RPP25: variants seen among roughly 807,000 people sequenced by gnomAD.
The protein encoded by RPP25 is ribonuclease P protein subunit p25.
Under a neutral mutation model 4.4 loss-of-function variants are expected in RPP25, and 2 were observed. The observed-to-expected ratio is 0.45, with a 90% confidence interval of 0.19 to 1.43. RPP25 has a LOEUF of 1.43. Ranked by LOEUF, RPP25 falls within the 40% of genes most tolerant of loss-of-function variation. RPP25 has a pLI of 0.26. For missense variants in RPP25, 319 were observed against 293.8 expected, an observed-to-expected ratio of 1.09 and a Z score of -0.63; for synonymous variants, 144 against 136.2, an observed-to-expected ratio of 1.06 and a Z score of -0.40.
In RPP25 at chr15:74,955,607, A is replaced by C; in HGVS notation, c.*377T>G. Reference sequence around the variant, plus strand: ...GGGGGTGATTCCAATAACTCTTCTCAGCTTCCATACTTCAGGTGCTCTTCG... The same window carrying C: ...GGGGGTGATTCCAATAACTCTTCTCCGCTTCCATACTTCAGGTGCTCTTCG... On this transcript the variant is annotated 3_prime_UTR_variant, in exon 1 of 1. Transcript: ENST00000322177. 4.1e-6 allele frequency: 1 copy of C among 241,050 alleles called. No individual in the cohort carries two copies. Among genetic ancestry groups the C allele is most frequent in the Non-Finnish European group, 8.2e-6 (1 of 122,548 alleles). The allele number at this position is 241,050 out of a possible 1,614,324, so 14.9% of individuals were successfully genotyped here.
rs2065465998 is a variant in RPP25 at position 74,955,829 on chromosome 15, CT to C, written c.*154del. On this transcript the variant is annotated 3_prime_UTR_variant, in exon 1 of 1. Transcript: ENST00000322177. ...CTCTCCTGCCACTCCTGGGGCCCCTCTCTTGTCGCCTTAAGGTCCATGCTAC... is the reference window on the plus strand; with the variant it reads ...CTCTCCTGCCACTCCTGGGGCCCCTCCTTGTCGCCTTAAGGTCCATGCTAC... The C allele has an allele frequency of 1.8e-6, 2 of 1,105,600 alleles. No homozygotes were observed. The highest frequency in any genetic ancestry group is 3.2e-5 in the African/African-American group (2 of 63,278). The allele number at this position is 1,105,600 out of a possible 1,614,324, so 68.5% of individuals were successfully genotyped here.
chr15:74,955,965 T>A lies in RPP25; in HGVS notation c.*19A>T. The A allele has an allele frequency of 6.2e-7, 1 of 1,612,204 alleles. No homozygotes were observed. The highest frequency in any genetic ancestry group is 8.5e-7 in the Non-Finnish European group (1 of 1,179,756). ...TGGCGGAAGATCCTGCCGGACTAGG[T>A]GGCCCACAGTCCGGAGTTTCAGGCC... On this transcript the variant is annotated 3_prime_UTR_variant, in exon 1 of 1. Coordinates refer to ENST00000322177, the MANE Select transcript of RPP25 (RefSeq NM_017793.3).
Position 74,955,516 on chromosome 15 carries a change from C to G in RPP25, c.*468G>C, listed in dbSNP as rs140128898. ...CAGGGCGGGGAGCGGAATAGGGCCC[C>G]CACATCTCAGACTCTCCTACCCTCA... On this transcript the variant is annotated 3_prime_UTR_variant, in exon 1 of 1. Coordinates refer to ENST00000322177, the MANE Select transcript of RPP25 (RefSeq NM_017793.3). 5.5e-4 allele frequency: 91 copies of G among 164,782 alleles called. No individual in the cohort carries two copies. Among genetic ancestry groups the G allele is most frequent in the Non-Finnish European group, 7.1e-4 (53 of 75,124 alleles). 10.2% of individuals were successfully genotyped at this position (164,782 alleles called of 1,614,324 possible). A position where few individuals can be genotyped will look rare whatever the true frequency, so the allele number is the denominator to read the frequency against.
At position 74,955,849 on chromosome 15, in the gene RPP25, A is replaced by C. The variant is rs536580332; in HGVS notation, c.*135T>G. 7.8e-4 allele frequency: 998 copies of C among 1,279,374 alleles called. 6 individuals are homozygous for C. The highest frequency in any genetic ancestry group is 3.3e-4 in the Non-Finnish European group (310 of 943,512). 79.3% of individuals were successfully genotyped at this position (1,279,374 alleles called of 1,614,324 possible). ...CCCCTCTCTTGTCGCCTTAAGGTCC[A>C]TGCTACCTGTCTTGAGGAGCTGTGT... On this transcript the variant is annotated 3_prime_UTR_variant, in exon 1 of 1. Transcript: ENST00000322177.
Position 74,954,501 on chromosome 15 carries a change from G to C in RPP25, c.*1483C>G, listed in dbSNP as rs979519840. 1 of 152,002 alleles carries C rather than the reference G, an allele frequency of 6.6e-6. No homozygotes were observed. The highest frequency in any genetic ancestry group is 2.4e-5 in the African/African-American group (1 of 41,352). The allele number at this position is 152,002 out of a possible 1,614,324, so 9.4% of individuals were successfully genotyped here. A position where few individuals can be genotyped will look rare whatever the true frequency, so the allele number is the denominator to read the frequency against. On this transcript the variant is annotated 3_prime_UTR_variant, in exon 1 of 1. Coordinates refer to ENST00000322177, the MANE Select transcript of RPP25 (RefSeq NM_017793.3). Reference sequence around the variant, plus strand: ...TTCTTCCGCATCTCCCCCTTTCCAGGGGTGCTGCTGAGTTGCATGGGATGA... The same window carrying C: ...TTCTTCCGCATCTCCCCCTTTCCAGCGGTGCTGCTGAGTTGCATGGGATGA...
Position 74,955,756 on chromosome 15 carries a change from C to G in RPP25, c.*228G>C. The G allele has an allele frequency of 5.1e-6, 3 of 587,166 alleles. No individual in the cohort carries two copies. Among genetic ancestry groups the G allele is most frequent in the Non-Finnish European group, 9.0e-6 (3 of 334,254 alleles). The allele number at this position is 587,166 out of a possible 1,614,324, so 36.4% of individuals were successfully genotyped here. On this transcript the variant is annotated 3_prime_UTR_variant, in exon 1 of 1. Transcript: ENST00000322177. The stretch of plus-strand genomic sequence containing the variant: ...GTTCCGTGTCTTCACGCAACACGGG[C>G]ATAAGCAGCAATTATCGCACGAAGT...
rs748888760 is a variant in RPP25 at position 74,955,967 on chromosome 15, G to T, written c.*17C>A. The T allele has an allele frequency of 1.2e-5, 19 of 1,612,188 alleles. No homozygotes were observed. The South Asian group carries it at 1.4e-4, about 12-fold the overall frequency. Reference sequence around the variant, plus strand: ...GCGGAAGATCCTGCCGGACTAGGTGGCCCACAGTCCGGAGTTTCAGGCCGT... The same window carrying T: ...GCGGAAGATCCTGCCGGACTAGGTGTCCCACAGTCCGGAGTTTCAGGCCGT... On this transcript the variant is annotated 3_prime_UTR_variant, in exon 1 of 1. Transcript: ENST00000322177.
chr15:74,954,419 C>CT lies in RPP25; in HGVS notation c.*1564dup, dbSNP rs2065458605. ...CTCCAGTCAGCCACAGAACGTATCT[C>CT]TTGTCACCAGCAGGATTTATTTCAG... On this transcript the variant is annotated 3_prime_UTR_variant, in exon 1 of 1. Transcript: ENST00000322177. The CT allele has an allele frequency of 1.3e-5, 2 of 152,256 alleles. No individual in the cohort carries two copies. The highest frequency in any genetic ancestry group is 1.3e-4 in the Admixed American group (2 of 15,288). The allele number at this position is 152,256 out of a possible 1,614,324, so 9.4% of individuals were successfully genotyped here. A position where few individuals can be genotyped will look rare whatever the true frequency, so the allele number is the denominator to read the frequency against.
chr15:74,956,203 G>A lies in RPP25; in HGVS notation c.381C>T (p.Ser127=), dbSNP rs757250943. The A allele has an allele frequency of 1.4e-5, 22 of 1,568,164 alleles. No homozygotes were observed. In the South Asian group the frequency reaches 2.4e-4, roughly 17 times the overall value. Residue 127 remains serine (S), a synonymous_variant, in exon 1 of 1, where the codon AGC becomes AGT. Transcript: ENST00000322177. ...QTPGEPAASL[S]VLKNVPGLAI... is the part of the protein sequence containing the mutation. ...CGAGGCCGGGCACGTTCTTAAGTAC[G>A]CTGAGACTAGCGGCCGGCTCGCCAG...
Position 74,956,539 on chromosome 15 carries a change from C to G in RPP25, c.45G>C (p.Gly15=), listed in dbSNP as rs1301582834. ...RKVRSEEAPA[G]CGAEGGGPGS... is the part of the protein sequence containing the mutation. ...CCGGGCCGCCTCCCTCGGCCCCGCACCCCGCTGGCGCCTCTTCGGAGCGCA... is the reference window on the plus strand; with the variant it reads ...CCGGGCCGCCTCCCTCGGCCCCGCAGCCCGCTGGCGCCTCTTCGGAGCGCA... The change falls in exon 1 of 1, where the codon GGG becomes GGC. Residue 15 remains glycine, a synonymous_variant. Transcript: ENST00000322177. 6.6e-6 allele frequency: 10 copies of G among 1,519,072 alleles called. No individual in the cohort carries two copies. The highest frequency in any genetic ancestry group is 1.4e-5 in the African/African-American group (1 of 70,056). 94.1% of individuals were successfully genotyped at this position (1,519,072 alleles called of 1,614,324 possible). A position where few individuals can be genotyped will look rare whatever the true frequency, so the allele number is the denominator to read the frequency against.
In RPP25 at chr15:74,956,539, C is replaced by T; in HGVS notation, c.45G>A (p.Gly15=). 1.3e-6 allele frequency: 2 copies of T among 1,519,180 alleles called. No homozygotes were observed. The highest frequency in any genetic ancestry group is 1.8e-6 in the Non-Finnish European group (2 of 1,140,012). The allele number at this position is 1,519,180 out of a possible 1,614,324, so 94.1% of individuals were successfully genotyped here. A position where few individuals can be genotyped will look rare whatever the true frequency, so the allele number is the denominator to read the frequency against. Residue 15 remains glycine (G), a synonymous_variant, in exon 1 of 1, where the codon GGG becomes GGA. Coordinates refer to ENST00000322177, the MANE Select transcript of RPP25 (RefSeq NM_017793.3). ...CCGGGCCGCCTCCCTCGGCCCCGCACCCCGCTGGCGCCTCTTCGGAGCGCA... is the reference window on the plus strand; with the variant it reads ...CCGGGCCGCCTCCCTCGGCCCCGCATCCCGCTGGCGCCTCTTCGGAGCGCA... ...RKVRSEEAPA[G]CGAEGGGPGS...
chr15:74,956,748 T>G lies in RPP25; in HGVS notation c.-165A>C. The G allele has an allele frequency of 1.3e-6, 1 of 780,038 alleles. No homozygotes were observed. The highest frequency in any genetic ancestry group is 1.8e-6 in the Non-Finnish European group (1 of 563,012). 48.3% of individuals were successfully genotyped at this position (780,038 alleles called of 1,614,324 possible). ...CGGCGCGATCTCGGCCCCACTTCTC[T>G]CGAGCGGGCGCCGCTCTACTCAGCG... On this transcript the variant is annotated 5_prime_UTR_variant, in exon 1 of 1. Coordinates refer to ENST00000322177, the MANE Select transcript of RPP25 (RefSeq NM_017793.3).
rs2065462751 is a variant in RPP25 at position 74,955,259 on chromosome 15, T to C, written c.*725A>G. On this transcript the variant is annotated 3_prime_UTR_variant, in exon 1 of 1. Coordinates refer to ENST00000322177, the MANE Select transcript of RPP25 (RefSeq NM_017793.3). ...GACACAAGGGGCCAGGCGAGAGCTG[T>C]CTCTGCACAGGCGGGTGGTTAGAAA... 1 of 152,308 alleles carries C rather than the reference T, an allele frequency of 6.6e-6. No homozygotes were observed. The highest frequency in any genetic ancestry group is 1.5e-5 in the Non-Finnish European group (1 of 68,204). 9.4% of individuals were successfully genotyped at this position (152,308 alleles called of 1,614,324 possible).
chr15:74,955,896 AC>A lies in RPP25; in HGVS notation c.*87del. On this transcript the variant is annotated 3_prime_UTR_variant, in exon 1 of 1. Coordinates refer to ENST00000322177, the MANE Select transcript of RPP25 (RefSeq NM_017793.3). ...GTGTCCAGGTTGTGGGCTCCGGAGG[AC>A]CGAGGAGTGAAAGGCTGGAGGTACA... The A allele has an allele frequency of 6.5e-7, 1 of 1,541,934 alleles. No individual in the cohort carries two copies. The highest frequency in any genetic ancestry group is 2.3e-5 in the East Asian group (1 of 42,920).
In RPP25 at chr15:74,955,904, G is replaced by T; in HGVS notation, c.*80C>A. On this transcript the variant is annotated 3_prime_UTR_variant, in exon 1 of 1. Coordinates refer to ENST00000322177, the MANE Select transcript of RPP25 (RefSeq NM_017793.3). ...GTTGTGGGCTCCGGAGGACCGAGGA[G>T]TGAAAGGCTGGAGGTACATCTGAAG... 1 of 1,571,804 alleles carries T rather than the reference G, an allele frequency of 6.4e-7. No homozygotes were observed. The highest frequency in any genetic ancestry group is 8.6e-7 in the Non-Finnish European group (1 of 1,158,812).
chr15:74,955,891 G>A lies in RPP25; in HGVS notation c.*93C>T, dbSNP rs1437522717. On this transcript the variant is annotated 3_prime_UTR_variant, in exon 1 of 1. Transcript: ENST00000322177. ...GAGCTGTGTCCAGGTTGTGGGCTCC[G>A]GAGGACCGAGGAGTGAAAGGCTGGA... The A allele has an allele frequency of 5.9e-6, 9 of 1,521,292 alleles. No individual in the cohort carries two copies. The highest frequency in any genetic ancestry group is 3.9e-5 in the Admixed American group (2 of 51,410). The allele number at this position is 1,521,292 out of a possible 1,614,324, so 94.2% of individuals were successfully genotyped here.
chr15:74,956,005 C>A lies in RPP25; in HGVS notation c.579G>T (p.Ala193=), dbSNP rs749957684. The A allele has an allele frequency of 6.2e-6, 10 of 1,612,680 alleles. No homozygotes were observed. In the East Asian group the frequency reaches 2.2e-4, roughly 36 times the overall value. ...AKRSQPEPGV[A]DEDQTA ...AGTTTCAGGCCGTCTGATCCTCGTC[C>A]GCAACCCCTGGCTCGGGTTGCGATC... The change falls in exon 1 of 1, where the codon GCG becomes GCT. Residue 193 remains alanine, a synonymous_variant. Coordinates refer to ENST00000322177, the MANE Select transcript of RPP25 (RefSeq NM_017793.3).
chr15:74,956,286 G>T lies in RPP25; in HGVS notation c.298C>A (p.Arg100=). Reference sequence around the variant, plus strand: ...CTCTGCCACACCTCGCGTACGCTCCGGTAGCGCAGCCGCGTGACCTGGTGC... The same window carrying T: ...CTCTGCCACACCTCGCGTACGCTCCTGTAGCGCAGCCGCGTGACCTGGTGC... ...GLHQVTRLRY[R]SVREVWQSLP... The change falls in exon 1 of 1, where the codon CGG becomes AGG. Residue 100 remains arginine, a synonymous_variant. Coordinates refer to ENST00000322177, the MANE Select transcript of RPP25 (RefSeq NM_017793.3). 6.3e-7 allele frequency: 1 copy of T among 1,597,696 alleles called. No homozygotes were observed. The highest frequency in any genetic ancestry group is 1.3e-5 in the African/African-American group (1 of 74,906).
rs1290596628 is a variant in RPP25, at chr15:74,956,585, C to T, written c.-2G>A. The T allele has an allele frequency of 4.2e-6, 6 of 1,444,500 alleles. No individual in the cohort carries two copies. The Admixed American group carries it at 8.3e-5, about 20-fold the overall frequency. The allele number at this position is 1,444,500 out of a possible 1,614,324, so 89.5% of individuals were successfully genotyped here. ...GCGCACCTTACGGAAGTTCTCCATG[C>T]GCCGTCGTCGCCGGGACCGCCGGCT... On this transcript the variant is annotated 5_prime_UTR_variant, in exon 1 of 1. Transcript: ENST00000322177.
Sources: gnomAD v4.1 joint callset for allele counts on GRCh38, gnomAD v4.1.1 for gene constraint, MANE v1.5 for transcripts, NCBI Gene and HGNC (gene_info 2026-07-23, HGNC 2026-07-21) for gene names.